The following SLC5A11 variants were observed in gnomAD, a reference collection of about 807,000 sequenced individuals.
The protein encoded by SLC5A11 is sodium/myo-inositol cotransporter 2.
In SLC5A11, 48 loss-of-function variants were observed where a neutral mutation model predicts 69.8. The ratio of observed to expected loss-of-function variants is 0.69; its 90% CI spans 0.55 to 0.87. The LOEUF (loss-of-function observed/expected upper bound fraction) is 0.87. SLC5A11 is among the 40% of genes least tolerant of loss of function. The pLI is 0.00. For synonymous variants in SLC5A11, 319 were observed against 342.4 expected (o/e 0.93, Z 0.75); for missense variants, 784 against 866.1 (o/e 0.91, Z 1.19).
intron 9 of SLC5A11, among the ~76,000 whole-genome samples, chr16:24,893,204 C>T (rs1323101677): frequency 6.6e-6 from 1 of 150,602 alleles, no homozygotes; most frequent in Non-Finnish European, 1.5e-5. Flanking sequence ...AAGAGAATCA[C>T]TTGAACCCGG....
At chr16:24,909,425 A>T (rs1180668008) in intron 14 of SLC5A11, among the ~76,000 whole-genome samples, 2 of 152,060 alleles carry the variant, frequency 1.3e-5, no homozygotes, top group Non-Finnish European at 2.9e-5. Flanking sequence ...GGATCACTTG[A>T]GGCCAGGAGT....
At chr16:24,911,271 A>T (rs914078101) in intron 15 of SLC5A11, 57 bp from the exon 17 acceptor site, 19 of 1,553,612 alleles carry the variant, frequency 1.2e-5, no homozygotes, top group Non-Finnish European at 1.7e-5. Context: ...TCCCTGTCTC[A>T]CCTCTCTGGG....
intron 3 of SLC5A11, 61 bp from the exon 5 acceptor site, chr16:24,869,840 G>A: frequency 2.6e-6 from 3 of 1,168,654 alleles, no homozygotes; most frequent in Non-Finnish European, 3.8e-6. Context: ...AAATAATTGG[G>A]GGTGGGGAGC....
intron 10 of SLC5A11, among the ~76,000 whole-genome samples, chr16:24,905,811 C>T (rs2050018289): frequency 6.6e-6 from 1 of 151,596 alleles, no homozygotes; most frequent in South Asian, 2.1e-4. Flanking sequence ...CTCTGGGCCT[C>T]AGTTTATCTG....
intron 7 of SLC5A11, among the ~76,000 whole-genome samples, chr16:24,877,675 T>A (rs28444566): frequency 0.029 from 4,366 of 151,086 alleles, 200 homozygotes; most frequent in African/African-American, 0.098. Context: ...CATGGCAAAA[T>A]CCCATCTCTA....
intron 8 of SLC5A11, among the ~76,000 whole-genome samples, chr16:24,890,237 T>C (rs1033382792): frequency 1.3e-5 from 2 of 151,838 alleles, no homozygotes; most frequent in Admixed American, 6.6e-5. Context: ...TAACATACAA[T>C]GGCATGGGAC....
At chr16:24,900,150 G>A (rs900498257) in intron 10 of SLC5A11, among the ~76,000 whole-genome samples, 17 of 152,168 alleles carry the variant, frequency 1.1e-4, no homozygotes, top group African/African-American at 4.1e-4. Flanking sequence ...AGACACTGTG[G>A]TGTCAGAAAC....
chr16:24,889,343 G>A (rs2048613721), intron 8 of SLC5A11, among the ~76,000 whole-genome samples: 1 of 151,980 alleles, frequency 6.6e-6, no homozygotes, highest in Admixed American at 6.6e-5. Flanking sequence ...GTCACTGGAT[G>A]TGGTGGTACA....
chr16:24,900,810 TG>T (rs2049524544), intron 10 of SLC5A11, among the ~76,000 whole-genome samples: 1 of 151,312 alleles, frequency 6.6e-6, no homozygotes, highest in Non-Finnish European at 1.5e-5. Flanking sequence ...TCCAGCTACT[TG>T]GGAAACTGAG....
intron 10 of SLC5A11, among the ~76,000 whole-genome samples, chr16:24,900,050 G>C (rs1833607821): frequency 6.6e-6 from 1 of 152,054 alleles, no homozygotes; most frequent in South Asian, 2.1e-4. Flanking sequence ...GGCCTCTAGA[G>C]CATTTGCTTT....
intron 9 of SLC5A11, among the ~76,000 whole-genome samples, chr16:24,895,991 C>G (rs997844006): frequency 6.6e-6 from 1 of 151,360 alleles, no homozygotes; most frequent in Non-Finnish European, 1.5e-5. Context: ...ATTAAGGGTT[C>G]TTTGATGATT....
At chr16:24,911,528 G>T in exon 16 of SLC5A11, 1 of 1,614,080 alleles carries the variant, frequency 6.2e-7, no homozygotes, top group South Asian at 1.1e-5. Context: ...GGGCTATTTT[G>T]CTTAGTGTGG....
intron 10 of SLC5A11, among the ~76,000 whole-genome samples, chr16:24,906,337 C>T (rs1231874096): frequency 2.1e-5 from 3 of 142,010 alleles, no homozygotes; most frequent in Non-Finnish European, 4.5e-5. Flanking sequence ...CAAGAGGCTC[C>T]GTCTCAAAAA....
At chr16:24,911,126 G>GCCACTGC (rs1330670390) in intron 15 of SLC5A11, among the ~76,000 whole-genome samples, 1 of 139,266 alleles carries the variant, frequency 7.2e-6, no homozygotes, top group Non-Finnish European at 1.5e-5. Flanking sequence ...CCGAGATCAC[G>GCCACTGC]CCACTGCACT....
chr16:24,893,116 C>CAAAAAAAAAAAAAAAAAAAA (rs58331547), intron 9 of SLC5A11, among the ~76,000 whole-genome samples: 2 of 99,092 alleles, frequency 2.0e-5, no homozygotes, highest in Non-Finnish European at 1.9e-5. Flanking sequence ...ACTAAAAATA[C>CAAAAAAAAAAAAAAAAAAAA]AAAAAAAAAA....
At chr16:24,891,736 T>G (rs1464454325) in intron 9 of SLC5A11, among the ~76,000 whole-genome samples, 1 of 152,136 alleles carries the variant, frequency 6.6e-6, no homozygotes, top group African/African-American at 2.4e-5. Flanking sequence ...ACACACTGGG[T>G]GTCCTCTACG....
chr16:24,895,353 G>C (rs1458403703), intron 9 of SLC5A11, among the ~76,000 whole-genome samples: 1 of 151,776 alleles, frequency 6.6e-6, no homozygotes, highest in Non-Finnish European at 1.5e-5. Context: ...GCCGGGCATG[G>C]TGGCAGGATC....
At chr16:24,862,635 G>C in exon 3 of SLC5A11, 20 of 1,613,496 alleles carry the variant, frequency 1.2e-5, no homozygotes, top group Non-Finnish European at 1.7e-5. Flanking sequence ...ACAGTGAAAG[G>C]CTACTTCCTG....
intron 3 of SLC5A11, among the ~76,000 whole-genome samples, chr16:24,864,331 G>A (rs12929569): frequency 0.04 from 6,030 of 152,180 alleles, 177 homozygotes; most frequent in Middle Eastern, 0.082. Flanking sequence ...TTGGTTTCAG[G>A]GATTTAAGAA....
Sources: allele counts gnomAD v4.1 joint callset (sites outside exome capture counted in the v4.1 genomes callset), GRCh38; gene constraint gnomAD v4.1.1; transcripts MANE v1.5; gene names NCBI Gene and HGNC (gene_info 2026-07-23, HGNC 2026-07-21).